FAM107B: variants seen among roughly 807,000 people sequenced by gnomAD.
FAM107B encodes protein FAM107B.
A neutral mutation model predicts 31.5 loss-of-function variants in FAM107B; 21 were observed. That is an observed-to-expected ratio of 0.67 (90% confidence interval 0.47 to 0.96). The LOEUF is 0.96. Ranked by LOEUF, FAM107B falls within the 40% of genes least tolerant of loss-of-function variation. FAM107B has a pLI of 0.00. For synonymous variants in FAM107B, 157 were observed against 141.5 expected (o/e 1.11, Z -0.78); for missense variants, 452 against 377.1 (o/e 1.20, Z -1.64).
intron 2 of FAM107B, among the ~76,000 whole-genome samples, chr10:14,621,730 A>G (rs777324441): frequency 7.2e-5 from 11 of 152,176 alleles, no homozygotes; most frequent in Non-Finnish European, 1.5e-4. Context: ...TTGAAACAGG[A>G]TTTGGCTTTT....
intron 2 of FAM107B, among the ~76,000 whole-genome samples, chr10:14,601,454 G>T (rs922088479): frequency 2.0e-5 from 3 of 152,146 alleles, no homozygotes; most frequent in Non-Finnish European, 4.4e-5. Context: ...AGCAAAAATA[G>T]GCCATGATTA....
At chr10:14,531,539 G>GAA (rs59782461) in intron 2 of FAM107B, among the ~76,000 whole-genome samples, 5 of 120,696 alleles carry the variant, frequency 4.1e-5, no homozygotes, top group African/African-American at 6.0e-5. Flanking sequence ...TAAAAGAAAA[G>GAA]AAAAAAAAAA....
intron 2 of FAM107B, among the ~76,000 whole-genome samples, chr10:14,636,326 TG>T (rs1853499179): frequency 2.1e-5 from 3 of 141,162 alleles, no homozygotes; most frequent in Non-Finnish European, 1.5e-5. Context: ...AGAGAGCAAG[TG>T]AGAGAGAGAG....
At chr10:14,704,269 C>CTGTG (rs113899632) in intron 1 of FAM107B, among the ~76,000 whole-genome samples, 14,868 of 148,112 alleles carry the variant, frequency 0.1, 1,317 homozygotes, top group African/African-American at 0.24. Context: ...GTAAATTGCT[C>CTGTG]TGTGTGTGTG....
At chr10:14,736,466 A>C (rs1205153638) in intron 1 of FAM107B, among the ~76,000 whole-genome samples, 1 of 152,150 alleles carries the variant, frequency 6.6e-6, no homozygotes, top group Admixed American at 6.5e-5. Context: ...TTTCTTATAG[A>C]CTCATAATTA....
At chr10:14,752,196 T>C (rs756193184) in intron 1 of FAM107B, among the ~76,000 whole-genome samples, 1 of 152,132 alleles carries the variant, frequency 6.6e-6, no homozygotes, top group Non-Finnish European at 1.5e-5. Flanking sequence ...ATCCTTCCTG[T>C]TTGTGCTCAG....
intron 3 of FAM107B, among the ~76,000 whole-genome samples, chr10:14,527,380 T>C (rs1846393519): frequency 6.6e-6 from 1 of 152,224 alleles, no homozygotes; most frequent in South Asian, 2.1e-4. Flanking sequence ...GGTTTCGCAG[T>C]TAGAAGACCT....
At chr10:14,670,474 C>A (rs750821988) in intron 1 of FAM107B, among the ~76,000 whole-genome samples, 15 of 152,160 alleles carry the variant, frequency 9.9e-5, no homozygotes, top group Non-Finnish European at 1.6e-4. Context: ...TTTCACAAGG[C>A]CTGACAGAAC....
At chr10:14,752,571 G>T (rs111831632) in intron 1 of FAM107B, among the ~76,000 whole-genome samples, 10,215 of 152,210 alleles carry the variant, frequency 0.067, 741 homozygotes, top group African/African-American at 0.18. Context: ...GAGTTTAATC[G>T]CATCGTGTAT....
intron 2 of FAM107B, among the ~76,000 whole-genome samples, chr10:14,580,404 G>A (rs367702556): frequency 6.6e-6 from 1 of 151,792 alleles, no homozygotes; most frequent in Admixed American, 6.6e-5. Flanking sequence ...AAAAGAAACA[G>A]CAAGTGGTAC....
chr10:14,772,050 A>G (rs551073205), intron 1 of FAM107B, among the ~76,000 whole-genome samples: 25 of 152,240 alleles, frequency 1.6e-4, no homozygotes, highest in Admixed American at 1.4e-3. Flanking sequence ...CCTCTGTAAC[A>G]TGGGCACCAT....
At chr10:14,615,812 A>C (rs1299226485) in intron 2 of FAM107B, among the ~76,000 whole-genome samples, 1 of 152,232 alleles carries the variant, frequency 6.6e-6, no homozygotes, top group Non-Finnish European at 1.5e-5. Flanking sequence ...GTCCTAAGCA[A>C]TAATTTTTTG....
intron 1 of FAM107B, among the ~76,000 whole-genome samples, chr10:14,738,429 A>G (rs1055134205): frequency 2.0e-5 from 3 of 152,196 alleles, no homozygotes; most frequent in African/African-American, 7.2e-5. Flanking sequence ...CTTGAGTTGC[A>G]GGCCAGGCTT....
chr10:14,651,418 C>A (rs1853895215), intron 2 of FAM107B, among the ~76,000 whole-genome samples: 1 of 152,118 alleles, frequency 6.6e-6, no homozygotes, highest in Non-Finnish European at 1.5e-5. Context: ...CCAGCCTGAC[C>A]AACATGGAGA....
intron 2 of FAM107B, among the ~76,000 whole-genome samples, chr10:14,633,146 C>A (rs888549885): frequency 4.6e-5 from 7 of 151,322 alleles, no homozygotes; most frequent in African/African-American, 1.7e-4. Flanking sequence ...TTGCAGTGAG[C>A]CAAGACTGTG....
At chr10:14,655,783 C>G (rs1032004236) in intron 2 of FAM107B, among the ~76,000 whole-genome samples, 1 of 152,230 alleles carries the variant, frequency 6.6e-6, no homozygotes, top group African/African-American at 2.4e-5. Context: ...TGAGGCTTAA[C>G]CCTCCTGGGG....
intron 1 of FAM107B, among the ~76,000 whole-genome samples, chr10:14,705,269 T>G (rs1247882621): frequency 1.3e-5 from 2 of 152,186 alleles, no homozygotes; most frequent in Non-Finnish European, 2.9e-5. Flanking sequence ...CTGGGGGAAC[T>G]GTAATGGTGC....
intron 1 of FAM107B, among the ~76,000 whole-genome samples, chr10:14,677,529 G>A (rs1277085376): frequency 2.6e-5 from 4 of 152,142 alleles, no homozygotes; most frequent in African/African-American, 7.2e-5. Context: ...GCTGAGGCAG[G>A]AGAATGGCGC....
rs998530118 is a variant in FAM107B at position 14,521,783 on chromosome 10, C to T, written c.804+86G>A. On this transcript the variant is annotated intron_variant, in intron 4 of 4. Transcript: ENST00000181796. ...CATGGTATAAATGTATACACTGGCA[C>T]GTCTGGTAAATCCTGCCCGCTCCAA... 103 of 1,527,468 alleles carry T rather than the reference C, an allele frequency of 6.7e-5. 1 individual carries two copies. The highest frequency in any genetic ancestry group is 2.9e-4 in the East Asian group (13 of 44,472). The allele number at this position is 1,527,468 out of a possible 1,614,324, so 94.6% of individuals were successfully genotyped here. A position where few individuals can be genotyped will look rare whatever the true frequency, so the allele number is the denominator to read the frequency against.
Sources: gnomAD v4.1 joint callset for allele counts (sites outside exome capture counted in the v4.1 genomes callset) on GRCh38, gnomAD v4.1.1 for gene constraint, MANE v1.5 for transcripts, NCBI Gene and HGNC (gene_info 2026-07-23, HGNC 2026-07-21) for gene names.